Variants in RTN3 observed in about 807,000 individuals in gnomAD.
The protein encoded by RTN3 is reticulon-3.
Under a neutral mutation model 77.8 loss-of-function variants are expected in RTN3, and 49 were observed. The observed-to-expected ratio is 0.63, with a 90% CI of 0.50 to 0.80. The LOEUF is 0.80. Among genes scored for constraint, RTN3 ranks in the 30% least tolerant of loss-of-function variants. RTN3 has a pLI of 0.00. For missense variants in RTN3, 1,236 were observed against 1,211.9 expected, an observed-to-expected ratio of 1.02 and a Z score of -0.29; for synonymous variants, 464 against 446.9, an observed-to-expected ratio of 1.04 and a Z score of -0.48.
chr11:63,719,724 G>T lies in RTN3; in HGVS notation c.1222G>T (p.Ala408Ser). ...ITKSTGDWAE[A>S]SLQQENAITG... Reference sequence around the variant, plus strand: ...TAAATCAACAGGTGATTGGGCAGAAGCATCTCTCCAGCAAGAAAATGCTAT... The same window carrying T: ...TAAATCAACAGGTGATTGGGCAGAATCATCTCTCCAGCAAGAAAATGCTAT... The change falls in exon 3 of 9, where the codon GCA becomes TCA. Residue 408 changes from alanine (A) to serine (S), a missense_variant. Physicochemically the swap from Ala to Ser is moderately conservative, Grantham distance 99 (BLOSUM62 1). Around this residue, in one of 3 missense-constraint regions of RTN3, gnomAD observed 1,056 missense variants for 990.4 expected, o/e 1.07. Transcript: ENST00000377819. 1.2e-6 allele frequency: 2 copies of T among 1,614,130 alleles called. No homozygotes were observed. Among genetic ancestry groups the T allele is most frequent in the Non-Finnish European group, 1.7e-6 (2 of 1,180,026 alleles).
At chr11:63,749,205 G>A (rs1217718699) in intron 3 of RTN3, among the ~76,000 whole-genome samples, 1 of 152,168 alleles carries the variant, frequency 6.6e-6, no homozygotes, top group African/African-American at 2.4e-5. Context: ...CTTGAACCCA[G>A]GAGTTAAAGG....
intron 1 of RTN3, among the ~76,000 whole-genome samples, chr11:63,682,893 T>C (rs1202722097): frequency 6.6e-6 from 1 of 151,938 alleles, no homozygotes; most frequent in Non-Finnish European, 1.5e-5. Flanking sequence ...ACGGAGTCTT[T>C]GAAGGGAAAA....
chr11:63,711,369 T>C (rs181244530), intron 2 of RTN3, among the ~76,000 whole-genome samples: 6 of 150,436 alleles, frequency 4.0e-5, no homozygotes, highest in Admixed American at 6.6e-5. Context: ...TTTGGTTTTG[T>C]TTTTTGGGTT....
At chr11:63,711,278 T>G (rs1257648148) in intron 2 of RTN3, among the ~76,000 whole-genome samples, 2 of 151,556 alleles carry the variant, frequency 1.3e-5, no homozygotes, top group Non-Finnish European at 2.9e-5. Flanking sequence ...AGACTGAGAC[T>G]GTCTCAAAAA....
intron 3 of RTN3, among the ~76,000 whole-genome samples, chr11:63,742,658 G>A (rs1325369114): frequency 7.9e-5 from 12 of 151,826 alleles, no homozygotes; most frequent in Admixed American, 7.2e-4. Flanking sequence ...ACAAAAAAAA[G>A]AAAGGATTGT....
At chr11:63,750,721 T>G (rs572603026) in intron 4 of RTN3, among the ~76,000 whole-genome samples, 5 of 146,448 alleles carry the variant, frequency 3.4e-5, no homozygotes, top group African/African-American at 1.3e-4. Context: ...CAAAGTGCTG[T>G]TTTTTTTGTT....
intron 3 of RTN3, among the ~76,000 whole-genome samples, chr11:63,731,205 C>T (rs2012668012): frequency 6.6e-6 from 1 of 151,668 alleles, no homozygotes; most frequent in South Asian, 2.1e-4. Flanking sequence ...CTCAACCTCC[C>T]GAGTAGCTGT....
intron 3 of RTN3, among the ~76,000 whole-genome samples, chr11:63,722,950 A>G (rs1421769589): frequency 6.6e-6 from 1 of 152,208 alleles, no homozygotes; most frequent in African/African-American, 2.4e-5. Context: ...ATGCTACAAG[A>G]ACTCCAGTGT....
chr11:63,746,750 G>A (rs1015463006), intron 3 of RTN3, among the ~76,000 whole-genome samples: 2 of 152,080 alleles, frequency 1.3e-5, no homozygotes, highest in Admixed American at 6.6e-5. Flanking sequence ...TCCTGACCTC[G>A]TGATCTGCCT....
chr11:63,699,966 G>A (rs1942154408), intron 1 of RTN3, among the ~76,000 whole-genome samples: 1 of 152,212 alleles, frequency 6.6e-6, no homozygotes, highest in Non-Finnish European at 1.5e-5. Flanking sequence ...TACAGAATAT[G>A]AATACAATGT....
intron 1 of RTN3, among the ~76,000 whole-genome samples, chr11:63,702,054 T>G (rs1942261712): frequency 6.6e-6 from 1 of 152,212 alleles, no homozygotes; most frequent in Admixed American, 6.5e-5. Flanking sequence ...TTTCATGAAT[T>G]AGTACTTATA....
chr11:63,692,302 C>T (rs1941703946), intron 1 of RTN3, among the ~76,000 whole-genome samples: 1 of 151,946 alleles, frequency 6.6e-6, no homozygotes, highest in South Asian at 2.1e-4. Flanking sequence ...GGATTACAGG[C>T]ATGAGCCACT....
At chr11:63,698,577 T>A (rs979096210) in intron 1 of RTN3, 4 of 161,624 alleles carry the variant, frequency 2.5e-5, no homozygotes, top group Non-Finnish European at 5.8e-5. Context: ...ATACACATAT[T>A]TTAAAATTTC....
At chr11:63,748,218 G>T (rs1211451839) in intron 3 of RTN3, among the ~76,000 whole-genome samples, 1 of 150,488 alleles carries the variant, frequency 6.6e-6, no homozygotes, top group Non-Finnish European at 1.5e-5. Context: ...GCCACTCAGA[G>T]AGTTGGAGGT....
intron 2 of RTN3, among the ~76,000 whole-genome samples, chr11:63,711,192 A>C (rs940762412): frequency 1.3e-5 from 2 of 152,010 alleles, no homozygotes; most frequent in Admixed American, 1.3e-4. Context: ...GGGCATGAGA[A>C]TCACTTGAAC....
At position 63,758,349 on chromosome 11, in the gene RTN3, TC is replaced by T. The variant is rs1439517241; in HGVS notation, c.*151del. 3.1e-6 allele frequency: 5 copies of T among 1,609,534 alleles called. No individual in the cohort carries two copies. Among genetic ancestry groups the T allele is most frequent in the Non-Finnish European group, 4.2e-6 (5 of 1,178,672 alleles). ...TAATTTGGTGTTTTCTCCCATCCTT[TC>T]CCTTTAACCCTCAGTATCAAGCACA... On this transcript the variant is annotated 3_prime_UTR_variant, in exon 9 of 9. Coordinates refer to ENST00000377819, the MANE Select transcript of RTN3 (RefSeq NM_001265589.2).
intron 3 of RTN3, among the ~76,000 whole-genome samples, chr11:63,735,996 A>G (rs1175755843): frequency 6.6e-6 from 1 of 152,206 alleles, no homozygotes; most frequent in Non-Finnish European, 1.5e-5. Context: ...GCACAAATTT[A>G]GCAACTTAAA....
At chr11:63,743,686 G>C (rs942985062) in intron 3 of RTN3, among the ~76,000 whole-genome samples, 2 of 151,948 alleles carry the variant, frequency 1.3e-5, no homozygotes, top group East Asian at 3.9e-4. Context: ...AGGCTGAGGC[G>C]GGCGGATCAT....
At chr11:63,715,050 A>T (rs1043371709) in intron 2 of RTN3, among the ~76,000 whole-genome samples, 2 of 152,354 alleles carry the variant, frequency 1.3e-5, no homozygotes, top group African/African-American at 4.8e-5. Flanking sequence ...TCCCAGTGAC[A>T]TGAATATTCT....
Sources: allele counts gnomAD v4.1 joint callset (sites outside exome capture counted in the v4.1 genomes callset), GRCh38; gene constraint gnomAD v4.1.1; regional missense constraint gnomAD v4.1.1; transcripts MANE v1.5; gene names NCBI Gene and HGNC (gene_info 2026-07-23, HGNC 2026-07-21).